The following PLXND1 variants were observed in gnomAD, a reference collection of about 807,000 sequenced individuals.
PLXND1 encodes plexin D1, also known as plexin-D1.
A neutral mutation model predicts 197.7 loss-of-function variants in PLXND1; 54 were observed. The observed-to-expected ratio is 0.27, with a 90% confidence interval of 0.22 to 0.34. PLXND1 has a LOEUF of 0.34. PLXND1 is among the 10% of genes least tolerant of loss of function. PLXND1 has a pLI of 1.00. For missense variants in PLXND1, 2,127 were observed against 2,699.2 expected (o/e 0.79, Z 4.70); for synonymous variants, 1,180 against 1,161.2 (o/e 1.02, Z -0.33).
At chr3:129,574,568 C>T (rs1312878031) in intron 11 of PLXND1, 78 bp from the exon 12 acceptor site, 8 of 1,435,032 alleles carry the variant, frequency 5.6e-6, no homozygotes, top group Non-Finnish European at 6.7e-6. Context: ...CCACACACAA[C>T]AACTGTCAAG....
At chr3:129,580,124 C>T (rs1267525468) in intron 8 of PLXND1, among the ~76,000 whole-genome samples, 2 of 152,172 alleles carry the variant, frequency 1.3e-5, no homozygotes, top group Non-Finnish European at 2.9e-5. Flanking sequence ...AAGCAGTTTG[C>T]CTACAGTGGA....
intron 1 of PLXND1, among the ~76,000 whole-genome samples, chr3:129,600,796 T>C (rs972639067): frequency 6.6e-6 from 1 of 151,698 alleles, no homozygotes; most frequent in Non-Finnish European, 1.5e-5. Context: ...TCTCTCTCCC[T>C]CCGCCCCCAC....
At position 129,584,074 on chromosome 3, in the gene PLXND1, G is replaced by A. The variant is rs758516971; in HGVS notation, c.2138+51C>T. 37 of 1,204,498 alleles carry A rather than the reference G, an allele frequency of 3.1e-5. No individual in the cohort carries two copies. The South Asian group carries it at 4.4e-4, about 14-fold the overall frequency. 74.6% of individuals were successfully genotyped at this position (1,204,498 alleles called of 1,614,324 possible). A position where few individuals can be genotyped will look rare whatever the true frequency, so the allele number is the denominator to read the frequency against. ...CCCTGAAAGCAAAGACCCTTCCCGG[G>A]GATGCGTTCCTCCCTCCACCAACTG... On this transcript the variant is annotated intron_variant, in intron 7 of 35. Transcript: ENST00000324093.
At chr3:129,603,152 AGGAGAAGG>A (rs564912110) in intron 1 of PLXND1, among the ~76,000 whole-genome samples, 3 of 152,294 alleles carry the variant, frequency 2.0e-5, no homozygotes, top group Non-Finnish European at 4.4e-5. Flanking sequence ...CACGGCGAAG[AGGAGAAGG>A]GTGTGGAAAA....
rs368425063 is a variant in PLXND1 at position 129,571,030 on chromosome 3, T to C, written c.3600+10A>G. On this transcript the variant is annotated intron_variant, in intron 18 of 35. Transcript: ENST00000324093. ...TTGCCCCCGCCTACCCCGGCCCCTT[T>C]GGTGCTCACGTGGATAACGAGGGTG... The C allele has an allele frequency of 3.1e-5, 50 of 1,613,362 alleles. No individual in the cohort carries two copies. The East Asian group carries it at 6.9e-4, about 22-fold the overall frequency.
chr3:129,561,063 G>A (rs1241564063), intron 29 of PLXND1: 1 of 496,060 alleles, frequency 2.0e-6, no homozygotes, highest in Non-Finnish European at 3.9e-6. Context: ...GGACTTGGAA[G>A]GAGGGACAGC....
At chr3:129,560,560 C>G in intron 30 of PLXND1, 126 bp from the exon 31 acceptor site, 1 of 946,378 alleles carries the variant, frequency 1.1e-6, no homozygotes, top group Non-Finnish European at 1.7e-6. Context: ...TGGGCCCCAT[C>G]CCTACTCCCC....
At chr3:129,594,486 A>T (rs1247219501) in intron 1 of PLXND1, among the ~76,000 whole-genome samples, 1 of 152,144 alleles carries the variant, frequency 6.6e-6, no homozygotes, top group Admixed American at 6.5e-5. Context: ...TCTCGAAAAA[A>T]TAAAAATAAA....
At position 129,569,726 on chromosome 3, in the gene PLXND1, C is replaced by T. The variant is rs903091890; in HGVS notation, c.3865+117G>A. ...GCCTAACCTGTTCCCATGGCCAAGC[C>T]TTTGTTCAAGCTGTGCCCCATCCCA... On this transcript the variant is annotated intron_variant, in intron 20 of 35. Coordinates refer to ENST00000324093, the MANE Select transcript of PLXND1 (RefSeq NM_015103.3). 7.5e-6 allele frequency: 5 copies of T among 669,560 alleles called. No homozygotes were observed. In the African/African-American group the frequency reaches 8.8e-5, roughly 12 times the overall value. The allele number at this position is 669,560 out of a possible 1,614,324, so 41.5% of individuals were successfully genotyped here. A position where few individuals can be genotyped will look rare whatever the true frequency, so the allele number is the denominator to read the frequency against.
At chr3:129,594,435 A>G (rs191595505) in intron 1 of PLXND1, among the ~76,000 whole-genome samples, 2 of 152,112 alleles carry the variant, frequency 1.3e-5, no homozygotes, top group African/African-American at 4.8e-5. Context: ...AGTGAGCTAT[A>G]ATTTCACCAC....
Position 129,573,606 on chromosome 3 carries a change from G to A in PLXND1, c.2825C>T (p.Thr942Met), listed in dbSNP as rs1438570771. 12 of 1,613,116 alleles carry A rather than the reference G, an allele frequency of 7.4e-6. No individual in the cohort carries two copies. Among genetic ancestry groups the A allele is most frequent in the Non-Finnish European group, 1.0e-5 (12 of 1,179,898 alleles). ...CGTGGCTACTCACTCCTCCGACACC[G>A]TGTATCTGTCAGGCAGTGGCTCACA... ...VACEPLPDRY[T>M]VSEEIVCVTG... is the part of the protein sequence containing the mutation. Residue 942 changes from threonine to methionine, a missense_variant, in exon 13 of 36, where the codon ACG (threonine) becomes ATG (methionine). Around this residue, in one of 6 missense-constraint regions of PLXND1, gnomAD observed 1,095 missense variants for 1,259.8 expected, o/e 0.87. Coordinates refer to ENST00000324093, the MANE Select transcript of PLXND1 (RefSeq NM_015103.3).
At chr3:129,573,493 G>T (rs2085266830) in intron 13 of PLXND1, 101 bp downstream of exon 13, 1 of 1,197,236 alleles carries the variant, frequency 8.4e-7, no homozygotes, top group Non-Finnish European at 1.2e-6. Flanking sequence ...CTTCCAGAAA[G>T]CAGCAGAGTG....
rs549936734 is a variant in PLXND1 at position 129,591,960 on chromosome 3, T to C, written c.1312-2433A>G. ...CTAAATCCTCCCGTGGGTCCCCTCA[T>C]CTTCTAACTCCATTTCACACCTCCC... is the stretch of plus-strand genomic sequence containing the variant. On this transcript the variant is annotated intron_variant, in intron 1 of 35. Transcript: ENST00000324093. Among the ~76,000 whole-genome samples, 25 of 152,196 alleles carry C rather than the reference T, an allele frequency of 1.6e-4. No individual in the cohort carries two copies. The South Asian group carries it at 2.7e-3, about 16-fold the overall frequency.
At chr3:129,599,495 C>A (rs192533360) in intron 1 of PLXND1, among the ~76,000 whole-genome samples, 2 of 152,208 alleles carry the variant, frequency 1.3e-5, no homozygotes, top group Non-Finnish European at 2.9e-5. Context: ...GTATCCAGGG[C>A]GCTGACAGAT....
chr3:129,583,987 G>A (rs1228620700), intron 7 of PLXND1, 138 bp downstream of exon 7: 9 of 651,172 alleles, frequency 1.4e-5, no homozygotes, highest in Non-Finnish European at 2.0e-5. Context: ...AAATGTGCTG[G>A]TGAATGAACA....
Position 129,558,508 on chromosome 3 carries a change from C to G in PLXND1, c.5365G>C (p.Asp1789His), listed in dbSNP as rs2085007211. 2 of 1,614,024 alleles carry G rather than the reference C, an allele frequency of 1.2e-6. No individual in the cohort carries two copies. The change falls in exon 33 of 36, where the codon GAC (aspartate) becomes CAC (histidine). Residue 1789 changes from aspartate (D) to histidine (H), a missense_variant. By Grantham distance (81) the Asp-to-His change is moderately conservative (BLOSUM62 -1). Transcript: ENST00000324093. The surrounding 1 kb of genome is among the most constrained non-coding windows in gnomAD (Gnocchi z 4.1). ...PQFVFDIDKT[D>H]HIDACLSVIA... ...ACTGAAAGGCAGGCGTCGATGTGGT[C>G]TGTCTTGTCGATGTCAAAGACAAAC... is the stretch of plus-strand genomic sequence containing the variant.
In PLXND1 at chr3:129,566,598, G is replaced by A. The variant is rs1358739852; in HGVS notation, c.4120C>T (p.Pro1374Ser). The change falls in exon 23 of 36, where the codon CCC (proline) becomes TCC (serine). Residue 1374 changes from proline to serine, a missense_variant. Transcript: ENST00000324093. ...SSLYEERYVL[P>S]SQTLNSQGSS... ...CCCTGGGAGTTGAGGGTCTGGGAGG[G>A]CAGCACGTAACGCTCTTCATAAAGG... 8 of 1,612,426 alleles carry A rather than the reference G, an allele frequency of 5.0e-6. No individual in the cohort carries two copies. Among genetic ancestry groups the A allele is most frequent in the Non-Finnish European group, 6.8e-6 (8 of 1,178,806 alleles).
chr3:129,579,378 G>C (rs536659283), intron 8 of PLXND1, among the ~76,000 whole-genome samples: 2 of 152,254 alleles, frequency 1.3e-5, no homozygotes, highest in South Asian at 4.1e-4. Context: ...GTTGGGAACT[G>C]CTGTCTCCAG....
chr3:129,563,322 C>T lies in PLXND1; in HGVS notation c.4522-82G>A, dbSNP rs1161856497. On this transcript the variant is annotated intron_variant, in intron 25 of 35. Coordinates refer to ENST00000324093, the MANE Select transcript of PLXND1 (RefSeq NM_015103.3). Reference sequence around the variant, plus strand: ...TTTGGGCCAAACACCTTCACGCCCCCGTCCCCCAACCCCTCCAACAGTCTC... The same window carrying T: ...TTTGGGCCAAACACCTTCACGCCCCTGTCCCCCAACCCCTCCAACAGTCTC... The T allele has an allele frequency of 2.1e-5, 24 of 1,167,770 alleles. No individual in the cohort carries two copies. In the Admixed American group the frequency reaches 4.2e-4, roughly 20 times the overall value. 72.3% of individuals were successfully genotyped at this position (1,167,770 alleles called of 1,614,324 possible).
Sources: allele counts gnomAD v4.1 joint callset (sites outside exome capture counted in the v4.1 genomes callset), GRCh38; gene constraint gnomAD v4.1.1; regional missense constraint gnomAD v4.1.1; non-coding constraint Gnocchi (gnomAD v3.1); transcripts MANE v1.5; gene names NCBI Gene and HGNC (gene_info 2026-07-23, HGNC 2026-07-21).